GIGYF2: variants seen among roughly 807,000 people sequenced by gnomAD.
GIGYF2 encodes GRB10-interacting GYF protein 2.
Under a neutral mutation model 208.1 loss-of-function variants are expected in GIGYF2, and 25 were observed. The observed-to-expected ratio is 0.12, with a 90% CI of 0.09 to 0.17. GIGYF2 has a LOEUF of 0.17. GIGYF2 is among the 10% of genes least tolerant of loss of function. The pLI, the probability that GIGYF2 is intolerant of heterozygous loss-of-function variation, is 1.00. For synonymous variants in GIGYF2, 534 were observed against 543.8 expected (o/e 0.98, Z 0.25); for missense variants, 1,302 against 1,579.4 (o/e 0.82, Z 2.98).
chr2:232,838,894 A>T (rs939536549), intron 22 of GIGYF2, among the ~76,000 whole-genome samples: 5 of 151,684 alleles, frequency 3.3e-5, no homozygotes, highest in Non-Finnish European at 5.9e-5. Context: ...TTAAGAGTTG[A>T]TTATGTTCAG....
At chr2:232,854,205 C>T (rs965736590) in intron 28 of GIGYF2, among the ~76,000 whole-genome samples, 10 of 152,092 alleles carry the variant, frequency 6.6e-5, no homozygotes, top group Non-Finnish European at 1.3e-4. Context: ...AAAACATAAA[C>T]ATTAGGGTCA....
At chr2:232,814,493 G>A (rs938378730) in intron 18 of GIGYF2, among the ~76,000 whole-genome samples, 1 of 150,954 alleles carries the variant, frequency 6.6e-6, no homozygotes, top group African/African-American at 2.4e-5. Context: ...AACCCTGGAG[G>A]CGGAGGTTGC....
At chr2:232,851,602 T>G (rs1690336319) in intron 28 of GIGYF2, among the ~76,000 whole-genome samples, 1 of 152,094 alleles carries the variant, frequency 6.6e-6, no homozygotes. Flanking sequence ...GTATTTTTAG[T>G]AGAGAGGGGT....
rs774665165 is a variant in GIGYF2 at position 232,843,969 on chromosome 2, C to G, written c.2890-77C>G. On this transcript the variant is annotated intron_variant, in intron 23 of 28. Transcript: ENST00000373563. The stretch of plus-strand genomic sequence containing the variant: ...TATGTAGCTACTGTGTATTTACATT[C>G]CATTTAGTATACTGGATATTTATAA... 7.0e-6 allele frequency: 9 copies of G among 1,293,850 alleles called. No individual in the cohort carries two copies. In the South Asian group the frequency reaches 9.6e-5, roughly 14 times the overall value. The allele number at this position is 1,293,850 out of a possible 1,614,324, so 80.1% of individuals were successfully genotyped here. A position where few individuals can be genotyped will look rare whatever the true frequency, so the allele number is the denominator to read the frequency against.
intron 4 of GIGYF2, among the ~76,000 whole-genome samples, chr2:232,747,973 T>TA (rs1011695320): frequency 1.6e-4 from 24 of 152,348 alleles, no homozygotes; most frequent in African/African-American, 5.8e-4. Context: ...AGTCAGCACT[T>TA]ACTGCCTTCT....
intron 7 of GIGYF2, 72 bp from the exon 8 acceptor site, chr2:232,761,324 A>C: frequency 1.1e-6 from 1 of 918,850 alleles, no homozygotes; most frequent in South Asian, 1.3e-5. Flanking sequence ...GAAAAATGGG[A>C]AAGTGAGTGT....
rs936600124 is a variant in GIGYF2, at chr2:232,860,588, G to A, written c.*3728G>A. 1.3e-5 allele frequency: 2 copies of A among 152,150 alleles called. No homozygotes were observed. The highest frequency in any genetic ancestry group is 2.9e-5 in the Non-Finnish European group (2 of 68,038). 9.4% of individuals were successfully genotyped at this position (152,150 alleles called of 1,614,324 possible). ...TGTGAATGACTCTAATTAAACAGAA[G>A]TGATTCTTTGAAATGAACATATTCT... is the stretch of plus-strand genomic sequence containing the variant. On this transcript the variant is annotated 3_prime_UTR_variant, in exon 29 of 29. Coordinates refer to ENST00000373563, the MANE Select transcript of GIGYF2 (RefSeq NM_001103146.3).
intron 3 of GIGYF2, among the ~76,000 whole-genome samples, chr2:232,744,320 A>G (rs1234183426): frequency 6.6e-6 from 1 of 152,204 alleles, no homozygotes; most frequent in Non-Finnish European, 1.5e-5. Flanking sequence ...TTGGGGAGAC[A>G]TGGTGATTAT....
chr2:232,771,492 T>A, intron 8 of GIGYF2: 1 of 632,194 alleles, frequency 1.6e-6, no homozygotes, highest in Non-Finnish European at 2.7e-6. Context: ...ACCACAACTT[T>A]GCCAACTCTC....
chr2:232,831,547 G>A (rs1422857648), intron 21 of GIGYF2, among the ~76,000 whole-genome samples: 2 of 152,136 alleles, frequency 1.3e-5, no homozygotes, highest in Non-Finnish European at 2.9e-5. Flanking sequence ...GCCATCATTA[G>A]GATACTTTCA....
At position 232,844,251 on chromosome 2, in the gene GIGYF2, A is replaced by G. The variant is rs781321894; in HGVS notation, c.3095A>G (p.Asn1032Ser). ...CAGCAACCAAACAGAGCTCGTAACA[A>G]TACGGTGTGTGCATTTTCCTAAGCT... ...QHQQPNRARN[N>S]THSNLHTSIG... The change falls in exon 24 of 29, where the codon AAT becomes AGT. Residue 1032 changes from asparagine to serine, a missense_variant. Physicochemically the swap from Asn to Ser is conservative, Grantham distance 46. Around this residue, in one of 8 missense-constraint regions of GIGYF2, gnomAD observed 701 missense variants for 793.0 expected, o/e 0.88. Transcript: ENST00000373563. 6 of 1,583,402 alleles carry G rather than the reference A, an allele frequency of 3.8e-6. No individual in the cohort carries two copies. Among genetic ancestry groups the G allele is most frequent in the Non-Finnish European group, 5.2e-6 (6 of 1,163,334 alleles).
At chr2:232,718,354 C>T (rs1181647951) in intron 2 of GIGYF2, among the ~76,000 whole-genome samples, 4 of 152,166 alleles carry the variant, frequency 2.6e-5, no homozygotes, top group Admixed American at 6.5e-5. Flanking sequence ...TCACCTTAGC[C>T]TCCCACAGTG....
rs751811738 is a variant in GIGYF2 at position 232,791,384 on chromosome 2, A to T, written c.1220A>T (p.Lys407Ile). Residue 407 changes from lysine to isoleucine, a missense_variant, in exon 12 of 29, where the codon AAA (lysine) becomes ATA (isoleucine). This residue lies in a region of GIGYF2 where 235 missense variants were observed against 218.8 expected (regional missense o/e 1.07). Coordinates refer to ENST00000373563, the MANE Select transcript of GIGYF2 (RefSeq NM_001103146.3). ...GAACCAAAAACTGAGCAAACGGAAA[A>T]AGCTGAAGAGGAGACTCGGATGGAA... ...KDEPKTEQTE[K>I]AEEETRMENS... The T allele has an allele frequency of 6.2e-7, 1 of 1,614,120 alleles. No individual in the cohort carries two copies. The highest frequency in any genetic ancestry group is 1.1e-5 in the South Asian group (1 of 91,080).
rs1304291322 is a variant in GIGYF2, at chr2:232,852,636, G to C, written c.3832+2227G>C. Among the ~76,000 whole-genome samples the C allele has an allele frequency of 2.6e-5, 4 of 152,094 alleles. No individual in the cohort carries two copies. The East Asian group carries it at 7.7e-4, about 29-fold the overall frequency. Reference sequence around the variant, plus strand: ...ATTGGTGCCTGAAAGCTGGGTTTGGGAACTTGTAGATCTGGTGCAATTCTG... The same window carrying C: ...ATTGGTGCCTGAAAGCTGGGTTTGGCAACTTGTAGATCTGGTGCAATTCTG... On this transcript the variant is annotated intron_variant, in intron 28 of 28. Coordinates refer to ENST00000373563, the MANE Select transcript of GIGYF2 (RefSeq NM_001103146.3).
intron 3 of GIGYF2, among the ~76,000 whole-genome samples, chr2:232,746,516 C>T (rs1698156662): frequency 6.6e-6 from 1 of 152,078 alleles, no homozygotes; most frequent in Non-Finnish European, 1.5e-5. Flanking sequence ...TTAGTTTTTC[C>T]ACTTGCTGTC....
intron 22 of GIGYF2, among the ~76,000 whole-genome samples, chr2:232,836,327 T>TATATAA (rs1701623379): frequency 5.5e-5 from 1 of 18,284 alleles, no homozygotes; most frequent in African/African-American, 2.1e-4. Flanking sequence ...TATATATATA[T>TATATAA]ATACATATAT....
intron 17 of GIGYF2, 131 bp downstream of exon 17, chr2:232,811,482 T>G: frequency 1.5e-6 from 1 of 675,664 alleles, no homozygotes; most frequent in South Asian, 1.6e-5. Context: ...GCATGTTGTA[T>G]GTAAAAAAGT....
Position 232,833,071 on chromosome 2 carries a change from A to C in GIGYF2, c.2744A>C (p.Gln915Pro). The C allele has an allele frequency of 1.3e-6, 2 of 1,552,528 alleles. No individual in the cohort carries two copies. The highest frequency in any genetic ancestry group is 2.4e-5 in the South Asian group (2 of 84,112). ...ALRRLQQQQQ[Q>P]QQLAQMKLPS... is the part of the protein sequence containing the mutation. ...CGGAGGTTGCAGCAGCAGCAGCAGC[A>C]ACAACAGCTGGCGCAGATGAAGGTA... is the stretch of plus-strand genomic sequence containing the variant. Residue 915 changes from glutamine to proline, a missense_variant, in exon 22 of 29, where the codon CAA becomes CCA. Transcript: ENST00000373563.
chr2:232,843,169 G>GTA (rs1701876473), intron 23 of GIGYF2: 2 of 108,832 alleles, frequency 1.8e-5, no homozygotes, highest in African/African-American at 4.1e-5. Context: ...GTGTGTGTGT[G>GTA]TGTGTGTGTG....
Sources: allele counts gnomAD v4.1 joint callset (sites outside exome capture counted in the v4.1 genomes callset), GRCh38; gene constraint gnomAD v4.1.1; regional missense constraint gnomAD v4.1.1; transcripts MANE v1.5; gene names NCBI Gene and HGNC (gene_info 2026-07-23, HGNC 2026-07-21).